Variants in TRIM2 observed in about 807,000 individuals in gnomAD.
The protein encoded by TRIM2 is tripartite motif containing 2.
A neutral mutation model predicts 75.2 loss-of-function variants in TRIM2; 20 were observed. That is an observed-to-expected ratio of 0.27 (90% confidence interval 0.19 to 0.39). TRIM2 has a LOEUF of 0.39. Among genes scored for constraint, TRIM2 ranks in the 10% least tolerant of loss-of-function variants. The pLI, the probability that TRIM2 is intolerant of heterozygous loss-of-function variation, is 1.00. For synonymous variants in TRIM2, 373 were observed against 388.3 expected (o/e 0.96, Z 0.46); for missense variants, 660 against 990.8 (o/e 0.67, Z 4.48).
At chr4:153,283,609 T>C (rs1446470936) in intron 3 of TRIM2, among the ~76,000 whole-genome samples, 1 of 152,074 alleles carries the variant, frequency 6.6e-6, no homozygotes, top group Non-Finnish European at 1.5e-5. Flanking sequence ...ATTCCATGTT[T>C]AACTTTTTAA....
At chr4:153,264,567 C>A (rs1306799506) in intron 1 of TRIM2, among the ~76,000 whole-genome samples, 1 of 152,192 alleles carries the variant, frequency 6.6e-6, no homozygotes, top group African/African-American at 2.4e-5. Flanking sequence ...AGGAGACCAG[C>A]AAAGCATGTA....
chr4:153,301,218 C>T (rs1200047302), intron 6 of TRIM2, among the ~76,000 whole-genome samples: 1 of 151,926 alleles, frequency 6.6e-6, no homozygotes, highest in Non-Finnish European at 1.5e-5. Flanking sequence ...CATGGGGTCT[C>T]ACCTTGTTGC....
intron 1 of TRIM2, among the ~76,000 whole-genome samples, chr4:153,221,854 A>AGCAAG (rs1740258104): frequency 1.4e-5 from 1 of 71,660 alleles, no homozygotes; most frequent in Non-Finnish European, 2.7e-5. Flanking sequence ...GCGCGAGGAA[A>AGCAAG]GAAGAGAGAG....
chr4:153,297,102 T>C (rs1009847447), intron 6 of TRIM2, among the ~76,000 whole-genome samples: 1 of 152,180 alleles, frequency 6.6e-6, no homozygotes, highest in African/African-American at 2.4e-5. Flanking sequence ...ACCATAGAAC[T>C]TTTTCCCTGG....
intron 1 of TRIM2, among the ~76,000 whole-genome samples, chr4:153,245,208 A>G (rs1748798436): frequency 1.3e-5 from 2 of 152,384 alleles, no homozygotes; most frequent in South Asian, 4.1e-4. Flanking sequence ...TATCTTCTGC[A>G]CAAGCCAATG....
intron 1 of TRIM2, among the ~76,000 whole-genome samples, chr4:153,193,259 G>A (rs1733404240): frequency 6.6e-6 from 1 of 150,726 alleles, no homozygotes; most frequent in Admixed American, 6.7e-5. Context: ...AGCCTCCTGA[G>A]TAGCTGGGAC....
intron 1 of TRIM2, among the ~76,000 whole-genome samples, chr4:153,242,568 A>T (rs182217101): frequency 1.3e-5 from 2 of 152,348 alleles, no homozygotes; most frequent in Admixed American, 1.3e-4. Flanking sequence ...CAGCTGCAGC[A>T]TGAGAGCTAT....
chr4:153,154,173 T>G (rs1261814183), intron 1 of TRIM2, among the ~76,000 whole-genome samples: 3 of 152,216 alleles, frequency 2.0e-5, no homozygotes, highest in Non-Finnish European at 4.4e-5. Flanking sequence ...GTCACGTGGT[T>G]TCAGAACGTC....
At chr4:153,243,529 C>T (rs115280991) in intron 1 of TRIM2, among the ~76,000 whole-genome samples, 3,824 of 152,274 alleles carry the variant, frequency 0.025, 71 homozygotes, top group Non-Finnish European at 0.036. Flanking sequence ...AATAGACTTG[C>T]TTTCTTTCTT....
At chr4:153,293,208 A>G (rs1201783477) in intron 4 of TRIM2, 75 bp downstream of exon 4, 6 of 1,431,048 alleles carry the variant, frequency 4.2e-6, no homozygotes, top group Non-Finnish European at 5.7e-6. Context: ...TTGTCTAGGT[A>G]CAAGAGTAGG....
rs573261455 is a variant in TRIM2, at chr4:153,169,849, G to T, written c.-49+16579G>T. On this transcript the variant is annotated intron_variant, in intron 1 of 11. Coordinates refer to the TRIM2 transcript ENST00000437508. ...TGGCATCTTTCCATGCCTAAATATG[G>T]GATACGTGAACCATGTTCATTTTCC... Among the ~76,000 whole-genome samples, 3 of 152,196 alleles carry T rather than the reference G, an allele frequency of 2.0e-5. No individual in the cohort carries two copies. The South Asian group carries it at 6.2e-4, about 32-fold the overall frequency.
intron 1 of TRIM2, chr4:153,223,162 G>T (rs545216705): frequency 6.6e-6 from 1 of 152,576 alleles, no homozygotes; most frequent in African/African-American, 2.4e-5. Context: ...CTGGCAGCCG[G>T]CCTGGAGCGG....
Position 153,205,013 on chromosome 4 carries a change from T to C in TRIM2, c.30+453T>C, listed in dbSNP as rs374848234. 2.0e-4 allele frequency among the ~76,000 whole-genome samples: 30 copies of C among 152,350 alleles called. No homozygotes were observed. The East Asian group carries it at 5.4e-3, about 27-fold the overall frequency. On this transcript the variant is annotated intron_variant, in intron 1 of 11. Coordinates refer to ENST00000338700, the MANE Select transcript of TRIM2 (RefSeq NM_015271.5). ...AGTATTTTCAAAGGGCAAACTGTAG[T>C]AGTCTTGCATGTTATAAATAGGTCT... is the stretch of plus-strand genomic sequence containing the variant.
intron 3 of TRIM2, among the ~76,000 whole-genome samples, chr4:153,291,369 G>A (rs1243308949): frequency 6.6e-6 from 1 of 152,132 alleles, no homozygotes; most frequent in Admixed American, 6.5e-5. Flanking sequence ...TATTCATTCA[G>A]TAGTGTTATT....
intron 3 of TRIM2, among the ~76,000 whole-genome samples, chr4:153,285,431 A>G (rs1370967771): frequency 1.3e-5 from 2 of 152,330 alleles, no homozygotes; most frequent in Admixed American, 1.3e-4. Flanking sequence ...TCAGTATTCA[A>G]GTCTTGCACT....
intron 1 of TRIM2, among the ~76,000 whole-genome samples, chr4:153,189,090 A>G (rs1485773053): frequency 6.6e-6 from 1 of 151,948 alleles, no homozygotes; most frequent in South Asian, 2.1e-4. Flanking sequence ...GGCTCAAGCA[A>G]CTCTCCCACC....
chr4:153,271,411 ATG>A (rs1756641121), intron 2 of TRIM2, among the ~76,000 whole-genome samples: 1 of 152,234 alleles, frequency 6.6e-6, no homozygotes, highest in African/African-American at 2.4e-5. Context: ...CTGATTTAAC[ATG>A]TCTTTATTAT....
At chr4:153,177,707 CTCCTTCCTTCCTTCCTTCCTTCCTTCCT>C (rs60499669) in intron 1 of TRIM2, among the ~76,000 whole-genome samples, 1 of 133,884 alleles carries the variant, frequency 7.5e-6, no homozygotes, top group African/African-American at 2.8e-5. Context: ...TGGTGGCTCG[CTCCTTCCTTCCTTCCTTCCTTCCTTCCT>C]TCCTTCCTTC....
At chr4:153,177,865 G>C (rs757656060) in intron 1 of TRIM2, among the ~76,000 whole-genome samples, 10 of 151,788 alleles carry the variant, frequency 6.6e-5, no homozygotes, top group African/African-American at 2.4e-4. Flanking sequence ...GCAGTGGGGC[G>C]GTCTTGGCTC....
Sources: allele counts gnomAD v4.1 joint callset (sites outside exome capture counted in the v4.1 genomes callset), GRCh38; gene constraint gnomAD v4.1.1; transcripts MANE v1.5; gene names NCBI Gene and HGNC (gene_info 2026-07-23, HGNC 2026-07-21).